ARHGEF12: variants seen among roughly 807,000 people sequenced by gnomAD.
ARHGEF12 encodes Rho guanine nucleotide exchange factor 12.
Under a neutral mutation model 211.2 loss-of-function variants are expected in ARHGEF12, and 66 were observed. The ratio of observed to expected loss-of-function variants is 0.31; its 90% CI spans 0.26 to 0.38. ARHGEF12 has a LOEUF of 0.38. Ranked by LOEUF, ARHGEF12 falls within the 10% of genes least tolerant of loss-of-function variation. ARHGEF12 has a pLI of 1.00. For synonymous variants in ARHGEF12, 592 were observed against 638.4 expected (o/e 0.93, Z 1.09); for missense variants, 1,429 against 1,869.5 (o/e 0.76, Z 4.34).
Position 120,486,933 on chromosome 11 carries a change from T to C in ARHGEF12, c.*1856T>C, listed in dbSNP as rs1452343018. 4.7e-6 allele frequency: 1 copy of C among 211,374 alleles called. No homozygotes were observed. Among genetic ancestry groups the C allele is most frequent in the Non-Finnish European group, 9.6e-6 (1 of 104,312 alleles). 13.1% of individuals were successfully genotyped at this position (211,374 alleles called of 1,614,324 possible). A position where few individuals can be genotyped will look rare whatever the true frequency, so the allele number is the denominator to read the frequency against. On this transcript the variant is annotated 3_prime_UTR_variant, in exon 41 of 41. Coordinates refer to ENST00000397843, the MANE Select transcript of ARHGEF12 (RefSeq NM_015313.3). ...ATCTAACTCAGAATGGGATTAAAAA[T>C]TTTAGAAGCAGAAGCTAATATATAA...
intron 12 of ARHGEF12, among the ~76,000 whole-genome samples, chr11:120,437,666 C>T (rs1300903803): frequency 6.6e-6 from 1 of 152,016 alleles, no homozygotes; most frequent in Admixed American, 6.6e-5. Context: ...CATTGTTGTG[C>T]GACCATCACT....
At chr11:120,468,355 G>A (rs758590903) in intron 29 of ARHGEF12, among the ~76,000 whole-genome samples, 2 of 152,206 alleles carry the variant, frequency 1.3e-5, no homozygotes, top group African/African-American at 2.4e-5. Context: ...TTAGACTGTG[G>A]TTTGGAGGAT....
intron 29 of ARHGEF12, among the ~76,000 whole-genome samples, chr11:120,467,761 G>A (rs1271103649): frequency 1.3e-5 from 2 of 152,042 alleles, no homozygotes; most frequent in African/African-American, 4.8e-5. Context: ...ATATGATCTA[G>A]TCTTCTTCGG....
At chr11:120,416,009 C>T (rs895073836) in intron 4 of ARHGEF12, among the ~76,000 whole-genome samples, 15 of 152,098 alleles carry the variant, frequency 9.9e-5, no homozygotes, top group Admixed American at 9.8e-4. Context: ...TTCTTTGTCC[C>T]TCATCTCCTT....
intron 12 of ARHGEF12, 107 bp downstream of exon 12, chr11:120,437,489 G>GA: frequency 1.7e-5 from 12 of 709,822 alleles, no homozygotes; most frequent in Middle Eastern, 3.1e-4. Flanking sequence ...TTATTTTTTG[G>GA]AAAAAAAATT....
chr11:120,377,435 G>C (rs553478650), intron 1 of ARHGEF12, among the ~76,000 whole-genome samples: 1 of 151,900 alleles, frequency 6.6e-6, no homozygotes, highest in African/African-American at 2.4e-5. Flanking sequence ...TAATATCCTG[G>C]GCTCAAGTGA....
intron 36 of ARHGEF12, among the ~76,000 whole-genome samples, chr11:120,477,862 CAAAAAAAAAAAAG>C (rs1299636964): frequency 1.4e-5 from 1 of 69,378 alleles, no homozygotes; most frequent in African/African-American, 6.1e-5. Context: ...ACCGAAACAC[CAAAAAAAAAAAAG>C]AAAAAAAGAA....
chr11:120,348,976 C>CA (rs1410207524), intron 1 of ARHGEF12, among the ~76,000 whole-genome samples: 4 of 152,084 alleles, frequency 2.6e-5, no homozygotes, highest in Admixed American at 1.3e-4. Flanking sequence ...TTCCAAAACA[C>CA]AAAAAAATTC....
intron 39 of ARHGEF12, among the ~76,000 whole-genome samples, chr11:120,483,036 A>C (rs1947295318): frequency 6.6e-6 from 1 of 152,198 alleles, no homozygotes; most frequent in Non-Finnish European, 1.5e-5. Context: ...ATGGGGATAT[A>C]TTCTGAGAAA....
At chr11:120,379,747 T>C (rs1384075265) in intron 1 of ARHGEF12, among the ~76,000 whole-genome samples, 1 of 152,114 alleles carries the variant, frequency 6.6e-6, no homozygotes, top group Non-Finnish European at 1.5e-5. Flanking sequence ...ACATTGATTT[T>C]TGAGTGTTAA....
intron 1 of ARHGEF12, among the ~76,000 whole-genome samples, chr11:120,356,402 G>A (rs1471576178): frequency 2.0e-5 from 3 of 152,074 alleles, no homozygotes; most frequent in East Asian, 3.9e-4. Context: ...TTTTTAAGTA[G>A]AGATGGGGTT....
At chr11:120,381,391 A>AT (rs1328069023) in intron 1 of ARHGEF12, among the ~76,000 whole-genome samples, 5 of 151,984 alleles carry the variant, frequency 3.3e-5, no homozygotes, top group African/African-American at 1.2e-4. Flanking sequence ...CCATCCACTT[A>AT]TTTTTTCAAC....
chr11:120,386,736 T>C (rs1163852406), intron 1 of ARHGEF12, among the ~76,000 whole-genome samples: 13 of 152,150 alleles, frequency 8.5e-5, no homozygotes, highest in Admixed American at 7.9e-4. Context: ...CATTTAATCC[T>C]CATAACAACC....
At chr11:120,474,948 G>A (rs1339925173) in intron 32 of ARHGEF12, among the ~76,000 whole-genome samples, 2 of 152,234 alleles carry the variant, frequency 1.3e-5, no homozygotes, top group South Asian at 4.1e-4. Flanking sequence ...ATGAGGAACC[G>A]TTTTTGTTTT....
intron 29 of ARHGEF12, among the ~76,000 whole-genome samples, chr11:120,468,435 T>C (rs943401104): frequency 3.3e-5 from 5 of 152,044 alleles, no homozygotes; most frequent in Non-Finnish European, 5.9e-5. Context: ...ATACGTTTTG[T>C]CTTGTTTTGT....
chr11:120,447,785 C>CA (rs1946085592), intron 18 of ARHGEF12, 89 bp from the exon 19 acceptor site: 1 of 909,390 alleles, frequency 1.1e-6, no homozygotes, highest in African/African-American at 1.7e-5. Flanking sequence ...CATTGCACTC[C>CA]AGCCTGGGTG....
chr11:120,451,955 T>A (rs1946227184), intron 22 of ARHGEF12, among the ~76,000 whole-genome samples: 1 of 152,226 alleles, frequency 6.6e-6, no homozygotes, highest in Non-Finnish European at 1.5e-5. Flanking sequence ...TTGTCCCGGA[T>A]GTTAACATGC....
At chr11:120,344,547 T>G (rs1404236490) in intron 1 of ARHGEF12, among the ~76,000 whole-genome samples, 2 of 152,182 alleles carry the variant, frequency 1.3e-5, no homozygotes, top group African/African-American at 4.8e-5. Flanking sequence ...AAGTGGTTCT[T>G]GTGGGTGAAG....
chr11:120,452,431 G>C (rs1398730761), intron 22 of ARHGEF12, among the ~76,000 whole-genome samples: 1 of 152,150 alleles, frequency 6.6e-6, no homozygotes, highest in Admixed American at 6.5e-5. Context: ...AATTTCTGGT[G>C]GTGACATGAT....
Sources: gnomAD v4.1 joint callset for allele counts (sites outside exome capture counted in the v4.1 genomes callset) on GRCh38, gnomAD v4.1.1 for gene constraint, MANE v1.5 for transcripts, NCBI Gene and HGNC (gene_info 2026-07-23, HGNC 2026-07-21) for gene names.